The following ATXN10 variants were observed in gnomAD, a reference collection of about 807,000 sequenced individuals.
The protein encoded by ATXN10 is ataxin-10.
A neutral mutation model predicts 52.9 loss-of-function variants in ATXN10; 28 were observed. That is an observed-to-expected ratio of 0.53 (90% confidence interval 0.39 to 0.73). The LOEUF (loss-of-function observed/expected upper bound fraction) is 0.73. ATXN10 is among the 30% of genes least tolerant of loss of function. The pLI, the probability that ATXN10 is intolerant of heterozygous loss-of-function variation, is 0.00. For synonymous variants in ATXN10, 226 were observed against 221.5 expected (o/e 1.02, Z -0.18); for missense variants, 565 against 577.0 (o/e 0.98, Z 0.21).
rs902290064 is a variant in ATXN10 at position 45,750,064 on chromosome 22, G to A, written c.1173+9526G>A. On this transcript the variant is annotated intron_variant, in intron 9 of 11. Transcript: ENST00000252934. The surrounding 1 kb of genome is among the most constrained non-coding windows in gnomAD (Gnocchi z 4.2). Reference sequence around the variant, plus strand: ...CTGCTACTCAGTTTTCTTTACTTACGCCATATGATCAATTTTTAGATAACA... The same window carrying A: ...CTGCTACTCAGTTTTCTTTACTTACACCATATGATCAATTTTTAGATAACA... Among the ~76,000 whole-genome samples, 4 of 151,952 alleles carry A rather than the reference G, an allele frequency of 2.6e-5. No homozygotes were observed. The highest frequency in any genetic ancestry group is 4.4e-5 in the Non-Finnish European group (3 of 68,004).
intron 6 of ATXN10, among the ~76,000 whole-genome samples, chr22:45,722,047 T>C (rs907241673): frequency 6.6e-6 from 1 of 152,244 alleles, no homozygotes; most frequent in Middle Eastern, 3.2e-3. Context: ...GACAAAATTA[T>C]GGCAGCATGG....
At chr22:45,832,614 T>C (rs998923324) in intron 10 of ATXN10, among the ~76,000 whole-genome samples, 1 of 152,250 alleles carries the variant, frequency 6.6e-6, no homozygotes, top group Non-Finnish European at 1.5e-5. Context: ...GTCTTACCAG[T>C]ATTGAGCATT....
intron 7 of ATXN10, among the ~76,000 whole-genome samples, chr22:45,734,206 A>G (rs1002465709): frequency 6.6e-6 from 1 of 152,202 alleles, no homozygotes; most frequent in East Asian, 1.9e-4. Context: ...ATGTGTATTT[A>G]AAAACTTTAG....
Position 45,770,404 on chromosome 22 carries a change from T to TTA in ATXN10, c.1173+29866_1173+29867insTA, listed in dbSNP as rs1329128616. Among the ~76,000 whole-genome samples the TTA allele has an allele frequency of 5.3e-5, 8 of 152,190 alleles. No homozygotes were observed. Among genetic ancestry groups the TTA allele is most frequent in the Non-Finnish European group, 1.2e-4 (8 of 68,040 alleles). On this transcript the variant is annotated intron_variant, in intron 9 of 11. Transcript: ENST00000252934. This position sits in a 1 kb window ranked among gnomAD's most constrained non-coding sequence, Gnocchi z 4.5. ...AGGTGATGTGAAAAAGAGGGGGGTA[T>TTA]GTGATGAATATACACACTAATGGGA...
At chr22:45,779,188 T>C (rs995722681) in intron 9 of ATXN10, among the ~76,000 whole-genome samples, 9 of 152,214 alleles carry the variant, frequency 5.9e-5, no homozygotes, top group Non-Finnish European at 1.0e-4. Flanking sequence ...AACACCTCTA[T>C]TTCTTCATGT....
rs1411305103 is a variant in ATXN10 at position 45,752,461 on chromosome 22, G to T, written c.1173+11923G>T. On this transcript the variant is annotated intron_variant, in intron 9 of 11. Transcript: ENST00000252934. ...AGGATGAATGAGAAAGAGTTAGGCAGTTAGAGGAGTAGGTCAGCCTTGCAG... is the reference window on the plus strand; with the variant it reads ...AGGATGAATGAGAAAGAGTTAGGCATTTAGAGGAGTAGGTCAGCCTTGCAG... Among the ~76,000 whole-genome samples, 3 of 150,568 alleles carry T rather than the reference G, an allele frequency of 2.0e-5. No homozygotes were observed. In the East Asian group the frequency reaches 6.0e-4, roughly 30 times the overall value.
intron 9 of ATXN10, among the ~76,000 whole-genome samples, chr22:45,785,998 TC>T (rs967175135): frequency 2.6e-5 from 4 of 152,254 alleles, no homozygotes; most frequent in Non-Finnish European, 2.9e-5. Flanking sequence ...AATTTTTTTT[TC>T]ATCTTGTAAT....
Position 45,789,155 on chromosome 22 carries a change from C to A in ATXN10, c.1174-17804C>A, listed in dbSNP as rs1039768194. 6.6e-6 allele frequency among the ~76,000 whole-genome samples: 1 copy of A among 152,156 alleles called. No homozygotes were observed. Among genetic ancestry groups the A allele is most frequent in the Non-Finnish European group, 1.5e-5 (1 of 68,028 alleles). ...TCATGAGCTGAAAGGCTCACCTGAC[C>A]ACCCCTCTAAAACAGTCTTTGGCCA... is the stretch of plus-strand genomic sequence containing the variant. On this transcript the variant is annotated intron_variant, in intron 9 of 11. Coordinates refer to ENST00000252934, the MANE Select transcript of ATXN10 (RefSeq NM_013236.4). The surrounding 1 kb of genome is among the most constrained non-coding windows in gnomAD (Gnocchi z 4.0).
chr22:45,685,265 T>G (rs1037424629), intron 1 of ATXN10, among the ~76,000 whole-genome samples: 8 of 152,302 alleles, frequency 5.3e-5, no homozygotes, highest in Middle Eastern at 6.8e-3. Flanking sequence ...TGTTCAAACT[T>G]GAGGGAAATG....
chr22:45,711,765 C>T (rs946808504), intron 5 of ATXN10, among the ~76,000 whole-genome samples: 1 of 152,152 alleles, frequency 6.6e-6, no homozygotes, highest in South Asian at 2.1e-4. Context: ...TTAGGATGTG[C>T]ACTGCTTAAA....
rs1326420288 is a variant in ATXN10, at chr22:45,677,478, A to G, written c.116+5299A>G. The G allele has an allele frequency of 6.6e-6, 1 of 151,316 alleles. No individual in the cohort carries two copies. Among genetic ancestry groups the G allele is most frequent in the Non-Finnish European group, 1.5e-5 (1 of 67,896 alleles). The allele number at this position is 151,316 out of a possible 1,614,324, so 9.4% of individuals were successfully genotyped here. ...AAAATGAGGTTTTCGTTGGTGTTTA[A>G]TTTAAAAATTAAAAAAAAATTCAGG... On this transcript the variant is annotated intron_variant, in intron 1 of 11. Transcript: ENST00000252934. This position sits in a 1 kb window ranked among gnomAD's most constrained non-coding sequence, Gnocchi z 4.1.
At chr22:45,811,620 G>C (rs1928282623) in intron 10 of ATXN10, 1 of 433,328 alleles carries the variant, frequency 2.3e-6, no homozygotes, top group African/African-American at 2.0e-5. Flanking sequence ...GTGTGTAGTA[G>C]GTTACTAGGT....
rs184518985 is a variant in ATXN10, at chr22:45,677,414, A to G, written c.116+5235A>G. On this transcript the variant is annotated intron_variant, in intron 1 of 11. Coordinates refer to ENST00000252934, the MANE Select transcript of ATXN10 (RefSeq NM_013236.4). The surrounding 1 kb of genome is among the most constrained non-coding windows in gnomAD (Gnocchi z 4.1). ...ACAGTAATTTTTTTTTTCAGCTTCT[A>G]TCAGTATAGCTCATTTTTTCTCTTC... 3 of 151,208 alleles carry G rather than the reference A, an allele frequency of 2.0e-5. No homozygotes were observed. The highest frequency in any genetic ancestry group is 4.9e-5 in the African/African-American group (2 of 41,226). 9.4% of individuals were successfully genotyped at this position (151,208 alleles called of 1,614,324 possible). A position where few individuals can be genotyped will look rare whatever the true frequency, so the allele number is the denominator to read the frequency against.
At chr22:45,710,859 T>C (rs1440003367) in intron 5 of ATXN10, among the ~76,000 whole-genome samples, 1 of 152,150 alleles carries the variant, frequency 6.6e-6, no homozygotes, top group African/African-American at 2.4e-5. Context: ...GTAGTAGTAT[T>C]TGTTGAATAA....
intron 9 of ATXN10, among the ~76,000 whole-genome samples, chr22:45,751,951 C>G (rs1925993120): frequency 6.7e-6 from 1 of 150,104 alleles, no homozygotes; most frequent in Admixed American, 6.6e-5. Flanking sequence ...TTGTCTGACT[C>G]CCCCCACCCC....
intron 5 of ATXN10, among the ~76,000 whole-genome samples, chr22:45,706,108 C>A (rs1436619649): frequency 6.6e-6 from 1 of 152,198 alleles, no homozygotes; most frequent in East Asian, 1.9e-4. Context: ...CCCCCCACCC[C>A]TGTCTATGGA....
At position 45,684,472 on chromosome 22, in the gene ATXN10, G is replaced by A. The variant is rs141502446; in HGVS notation, c.117-5240G>A. Among the ~76,000 whole-genome samples the A allele has an allele frequency of 8.5e-4, 130 of 152,158 alleles. 1 individual carries two copies. The highest frequency in any genetic ancestry group is 2.9e-3 in the African/African-American group (119 of 41,514). On this transcript the variant is annotated intron_variant, in intron 1 of 11. Coordinates refer to ENST00000252934, the MANE Select transcript of ATXN10 (RefSeq NM_013236.4). This position sits in a 1 kb window ranked among gnomAD's most constrained non-coding sequence, Gnocchi z 4.1. ...CCATGAGTTAAGAATGGTTTTTTAC[G>A]TTTCTAAATGGTTGGGGAGATGATA...
intron 9 of ATXN10, among the ~76,000 whole-genome samples, chr22:45,797,346 A>G (rs1569068994): frequency 6.6e-6 from 1 of 152,238 alleles, no homozygotes; most frequent in Admixed American, 6.5e-5. Context: ...ATGTAGAAGA[A>G]CTGAAAACAT....
At chr22:45,758,133 T>C (rs1315636260) in intron 9 of ATXN10, among the ~76,000 whole-genome samples, 1 of 152,182 alleles carries the variant, frequency 6.6e-6, no homozygotes, top group Non-Finnish European at 1.5e-5. Context: ...TGCCAGCCCC[T>C]GTTGTCCTGA....
Sources: allele counts gnomAD v4.1 joint callset (sites outside exome capture counted in the v4.1 genomes callset), GRCh38; gene constraint gnomAD v4.1.1; non-coding constraint Gnocchi (gnomAD v3.1); transcripts MANE v1.5; gene names NCBI Gene and HGNC (gene_info 2026-07-23, HGNC 2026-07-21).